Variants in TRERF1 observed in about 807,000 individuals in gnomAD.
The protein encoded by TRERF1 is transcriptional regulating factor 1.
In TRERF1, 27 loss-of-function variants were observed where a neutral mutation model predicts 122.9. That is an observed-to-expected ratio of 0.22 (90% confidence interval 0.16 to 0.30). TRERF1 has a LOEUF of 0.30. Ranked by LOEUF, TRERF1 falls within the 10% of genes least tolerant of loss-of-function variation. The probability of loss-of-function intolerance (pLI) is 1.00; values close to 1 mark genes in which losing one functional copy is unlikely to be tolerated. For missense variants in TRERF1, 1,248 were observed against 1,560.3 expected, an observed-to-expected ratio of 0.80 and a Z score of 3.37; for synonymous variants, 636 against 641.7, an observed-to-expected ratio of 0.99 and a Z score of 0.13.
rs1778055994 is a variant in TRERF1 at position 42,393,242 on chromosome 6, C to T, written c.-453-30163G>A. 6.6e-6 allele frequency among the ~76,000 whole-genome samples: 1 copy of T among 152,202 alleles called. No homozygotes were observed. The highest frequency in any genetic ancestry group is 2.4e-5 in the African/African-American group (1 of 41,450). ...TCATTACTGTATTTCATCCTCACCA[C>T]CTGGCCAGAAAGGCATTCCTGCCTT... On this transcript the variant is annotated intron_variant, in intron 2 of 17. Coordinates refer to ENST00000372922, the Ensembl canonical transcript of TRERF1. This position sits in a 1 kb window ranked among gnomAD's most constrained non-coding sequence, Gnocchi z 4.1.
chr6:42,258,148 C>T, exon 10 of TRERF1: 1 of 1,614,206 alleles, frequency 6.2e-7, no homozygotes, highest in Non-Finnish European at 8.5e-7. Context: ...TCAACATCTA[C>T]AGTCTGCTCT....
At chr6:42,255,198 C>T (rs114819295) in intron 12 of TRERF1, among the ~76,000 whole-genome samples, 21 of 152,326 alleles carry the variant, frequency 1.4e-4, no homozygotes, top group African/African-American at 4.8e-4. Flanking sequence ...GGTAAAATCC[C>T]ACCCGCCCCA....
chr6:42,329,180 C>T (rs1305373313), intron 3 of TRERF1, among the ~76,000 whole-genome samples: 1 of 152,040 alleles, frequency 6.6e-6, no homozygotes, highest in Non-Finnish European at 1.5e-5. Flanking sequence ...CCCACTTAGG[C>T]TCAATTGGTC....
At chr6:42,348,263 T>C (rs1247521716) in intron 3 of TRERF1, among the ~76,000 whole-genome samples, 5 of 152,124 alleles carry the variant, frequency 3.3e-5, no homozygotes, top group Admixed American at 3.3e-4. Context: ...TTCTTTTTCT[T>C]TCTTTTTTGA....
intron 4 of TRERF1, among the ~76,000 whole-genome samples, chr6:42,292,398 C>T (rs1784448104): frequency 6.6e-6 from 1 of 152,228 alleles, no homozygotes; most frequent in African/African-American, 2.4e-5. Context: ...CTTACTCTAA[C>T]ATCCCCTGAA....
intron 4 of TRERF1, among the ~76,000 whole-genome samples, chr6:42,283,272 C>T (rs997830984): frequency 3.9e-5 from 6 of 152,216 alleles, no homozygotes; most frequent in Non-Finnish European, 8.8e-5. Flanking sequence ...AAAATTTTCA[C>T]TGCTCTGTGC....
At chr6:42,254,953 A>G in intron 12 of TRERF1, 27 bp from the exon 13 acceptor site, 1 of 1,610,800 alleles carries the variant, frequency 6.2e-7, no homozygotes, top group Non-Finnish European at 8.5e-7. Context: ...GAGAAAAGGC[A>G]AGAGTCAGCA....
At chr6:42,386,745 G>A (rs969564768) in intron 2 of TRERF1, among the ~76,000 whole-genome samples, 2 of 152,218 alleles carry the variant, frequency 1.3e-5, no homozygotes, top group African/African-American at 4.8e-5. Context: ...GAAGCTCTCT[G>A]GAGCTGGGGG....
intron 4 of TRERF1, among the ~76,000 whole-genome samples, chr6:42,288,574 C>CA (rs3074797): frequency 0.071 from 6,164 of 86,440 alleles, 210 homozygotes; most frequent in Middle Eastern, 0.12. Context: ...ATCTCAAAAC[C>CA]AAAAAAAAAA....
intron 14 of TRERF1, among the ~76,000 whole-genome samples, chr6:42,245,812 C>T (rs560078839): frequency 3.9e-5 from 6 of 152,212 alleles, no homozygotes; most frequent in African/African-American, 1.2e-4. Flanking sequence ...GTTAAATATA[C>T]GTAAATTATG....
intron 2 of TRERF1, among the ~76,000 whole-genome samples, chr6:42,448,873 A>G (rs575252888): frequency 1.3e-5 from 2 of 152,344 alleles, no homozygotes. Flanking sequence ...GAATCCTTAC[A>G]TTTGTCAAAA....
intron 13 of TRERF1, among the ~76,000 whole-genome samples, chr6:42,246,923 T>C (rs1186959620): frequency 2.6e-5 from 4 of 152,208 alleles, no homozygotes; most frequent in African/African-American, 9.7e-5. Context: ...TTTAACGTAA[T>C]TATCATATTC....
intron 5 of TRERF1, among the ~76,000 whole-genome samples, chr6:42,266,386 G>A (rs985030637): frequency 3.9e-5 from 6 of 152,094 alleles, no homozygotes; most frequent in Non-Finnish European, 7.4e-5. Flanking sequence ...GCAAGGTCTC[G>A]CTATGTTGCT....
intron 2 of TRERF1, among the ~76,000 whole-genome samples, chr6:42,383,761 T>C (rs1776356977): frequency 6.6e-6 from 1 of 152,080 alleles, no homozygotes; most frequent in Non-Finnish European, 1.5e-5. Flanking sequence ...GTCAAAGAGA[T>C]ACCAAATCTA....
chr6:42,245,964 C>T (rs1449208895), intron 14 of TRERF1, among the ~76,000 whole-genome samples: 3 of 152,130 alleles, frequency 2.0e-5, no homozygotes, highest in East Asian at 1.9e-4. Flanking sequence ...AAAAATTAGC[C>T]GGGCGTGGTG....
chr6:42,252,387 A>G (rs531087230), intron 13 of TRERF1, among the ~76,000 whole-genome samples: 1 of 152,338 alleles, frequency 6.6e-6, no homozygotes, highest in South Asian at 2.1e-4. Context: ...CCGCCCTGAC[A>G]TGGACAGGCT....
intron 2 of TRERF1, among the ~76,000 whole-genome samples, chr6:42,444,430 A>G (rs1382060185): frequency 6.6e-6 from 1 of 152,172 alleles, no homozygotes; most frequent in Non-Finnish European, 1.5e-5. Flanking sequence ...TTTCTGATGC[A>G]GTCTTAACCC....
Position 42,263,690 on chromosome 6 carries a change from C to A in TRERF1, c.1636-122G>T. On this transcript the variant is annotated intron_variant, in intron 7 of 17. Transcript: ENST00000372922. This position sits in a 1 kb window ranked among gnomAD's most constrained non-coding sequence, Gnocchi z 5.6. The stretch of plus-strand genomic sequence containing the variant: ...TGGGTGATAGAGAACCGCTGCAGGG[C>A]GATTTCCTTCCTGCAATCCTGAGTC... 1 of 1,271,246 alleles carries A rather than the reference C, an allele frequency of 7.9e-7. No individual in the cohort carries two copies. Among genetic ancestry groups the A allele is most frequent in the East Asian group, 2.8e-5 (1 of 35,804 alleles). The allele number at this position is 1,271,246 out of a possible 1,614,324, so 78.7% of individuals were successfully genotyped here.
At chr6:42,429,890 G>A (rs553770285) in intron 2 of TRERF1, among the ~76,000 whole-genome samples, 7 of 152,234 alleles carry the variant, frequency 4.6e-5, no homozygotes, top group South Asian at 2.1e-4. Flanking sequence ...AAGGTGTGGC[G>A]CACCTAACTG....
Sources: gnomAD v4.1 joint callset for allele counts (sites outside exome capture counted in the v4.1 genomes callset) on GRCh38, gnomAD v4.1.1 for gene constraint, Gnocchi (gnomAD v3.1) non-coding constraint, MANE v1.5 for transcripts, NCBI Gene and HGNC (gene_info 2026-07-23, HGNC 2026-07-21) for gene names.